SRA1: variants seen among roughly 807,000 people sequenced by gnomAD.
SRA1 encodes the protein steroid receptor RNA activator 1.
In SRA1, 25 loss-of-function variants were observed where a neutral mutation model predicts 24.3. The observed-to-expected ratio is 1.03, with a 90% CI of 0.75 to 1.43. The LOEUF is 1.43. Among genes scored for constraint, SRA1 ranks in the 40% most tolerant of loss-of-function variants. SRA1 has a pLI of 0.00. For missense variants in SRA1, 303 were observed against 286.6 expected, an observed-to-expected ratio of 1.06 and a Z score of -0.41; for synonymous variants, 104 against 109.5, an observed-to-expected ratio of 0.95 and a Z score of 0.31.
chr5:140,556,260 GA>G (rs1417530054), intron 2 of SRA1, among the ~76,000 whole-genome samples: 1 of 151,948 alleles, frequency 6.6e-6, no homozygotes, highest in Admixed American at 6.6e-5. Flanking sequence ...GCCACTGAAA[GA>G]ACCAAACCTG....
chr5:140,550,707 G>A lies in SRA1; in HGVS notation c.668C>T (p.Ala223Val), dbSNP rs1754527347. The change falls in exon 5 of 5, where the codon GCT becomes GTT. Residue 223 changes from alanine (A) to valine (V), a missense_variant. Coordinates refer to ENST00000336283, the MANE Select transcript of SRA1 (RefSeq NM_001035235.4). Reference sequence around the variant, plus strand: ...AGTCTGGGGAACCGAGGATTATGAAGCCTGCTGGAAGCCTGGTATGGTATG... The same window carrying A: ...AGTCTGGGGAACCGAGGATTATGAAACCTGCTGGAAGCCTGGTATGGTATG... ...KNHTIPGFQQ[A>V]S The A allele has an allele frequency of 1.2e-6, 2 of 1,613,990 alleles. No individual in the cohort carries two copies. The highest frequency in any genetic ancestry group is 2.7e-5 in the African/African-American group (2 of 74,892).
intron 2 of SRA1, 51 bp downstream of exon 2, chr5:140,557,092 TACAC>T: frequency 8.3e-7 from 1 of 1,198,096 alleles, no homozygotes; most frequent in East Asian, 2.6e-5. Context: ...GCTTATGCCT[TACAC>T]CCCCCCCCCC....
In SRA1 at chr5:140,552,158, GC is replaced by G; in HGVS notation, c.177del (p.Pro60LeufsTer39). 6.2e-7 allele frequency: 1 copy of G among 1,605,300 alleles called. No individual in the cohort carries two copies. The highest frequency in any genetic ancestry group is 8.5e-7 in the Non-Finnish European group (1 of 1,176,226). The stretch of plus-strand genomic sequence containing the variant: ...GGAGGTGGAGGCCCCATTGGGGGAG[GC>G]CCAGGAGAAGTCTCTGATGCGGGGA... ...PRVPASETSP[G>X]PPPMGPPPPS... On this transcript the variant is annotated frameshift_variant, in exon 3 of 5. Transcript: ENST00000336283. LOFTEE classifies it high-confidence loss of function.
upstream of SRA1, chr5:140,557,566 A>T (rs1754764782): frequency 1.6e-6 from 2 of 1,262,740 alleles, no homozygotes; most frequent in Non-Finnish European, 2.2e-6. Context: ...TGGAGGATGG[A>T]TGCTGGTTCA....
Position 140,550,594 on chromosome 5 carries a change from G to T in SRA1, c.*106C>A, listed in dbSNP as rs1008005747. The T allele has an allele frequency of 9.6e-7, 1 of 1,043,412 alleles. No homozygotes were observed. The highest frequency in any genetic ancestry group is 1.5e-6 in the Non-Finnish European group (1 of 676,500). 64.6% of individuals were successfully genotyped at this position (1,043,412 alleles called of 1,614,324 possible). A position where few individuals can be genotyped will look rare whatever the true frequency, so the allele number is the denominator to read the frequency against. ...GGTGGGACTTCTTCCCTCATAGGTG[G>T]GTCAGGCCCAGTGGGACAGTCTTGG... On this transcript the variant is annotated 3_prime_UTR_variant, in exon 5 of 5. Coordinates refer to ENST00000336283, the MANE Select transcript of SRA1 (RefSeq NM_001035235.4).
Position 140,552,080 on chromosome 5 carries a change from C to T in SRA1, c.256G>A (p.Val86Met), listed in dbSNP as rs760956606. The T allele has an allele frequency of 4.6e-5, 75 of 1,613,924 alleles. No homozygotes were observed. The highest frequency in any genetic ancestry group is 8.8e-5 in the South Asian group (8 of 91,020). ...PPVGSGPASG[V>M]EPTSFPVESE... ...TCGACTGGGAAACTTGTGGGCTCCA[C>T]GCCAGAGGCAGGACCACTCCCCACA... The change falls in exon 3 of 5, where the codon GTG becomes ATG. Residue 86 changes from valine (V) to methionine (M), a missense_variant. Coordinates refer to ENST00000336283, the MANE Select transcript of SRA1 (RefSeq NM_001035235.4).
At chr5:140,557,122 C>A in intron 2 of SRA1, 25 bp downstream of exon 2, 2 of 1,343,274 alleles carry the variant, frequency 1.5e-6, no homozygotes, top group Non-Finnish European at 2.1e-6. Context: ...CTCCGTCTGT[C>A]TCCGAGCACA....
At position 140,557,108 on chromosome 5, in the gene SRA1, C is replaced by CA. The variant is rs781045102; in HGVS notation, c.151+38dup. 1.4e-5 allele frequency: 14 copies of CA among 1,034,638 alleles called. No homozygotes were observed. In the African/African-American group the frequency reaches 1.4e-4, roughly 10 times the overall value. 64.1% of individuals were successfully genotyped at this position (1,034,638 alleles called of 1,614,324 possible). On this transcript the variant is annotated intron_variant, in intron 2 of 4. Coordinates refer to ENST00000336283, the MANE Select transcript of SRA1 (RefSeq NM_001035235.4). Reference sequence around the variant, plus strand: ...CTTATGCCTTACACCCCCCCCCCCCCATTCTCCGTCTGTCTCCGAGCACAG... The same window carrying CA: ...CTTATGCCTTACACCCCCCCCCCCCCAATTCTCCGTCTGTCTCCGAGCACAG...
intron 3 of SRA1, chr5:140,551,500 T>A: frequency 3.7e-6 from 1 of 266,706 alleles, no homozygotes; most frequent in East Asian, 7.5e-5. Flanking sequence ...CAGAAGCTCA[T>A]CCTGTAGCGT....
intron 2 of SRA1, among the ~76,000 whole-genome samples, chr5:140,552,675 A>T (rs1320413993): frequency 2.6e-5 from 4 of 151,954 alleles, no homozygotes; most frequent in African/African-American, 4.8e-5. Context: ...AAAAGAAAAG[A>T]AAAGTAAACC....
chr5:140,557,706 G>A, upstream of SRA1: 1 of 570,624 alleles, frequency 1.8e-6, no homozygotes, highest in South Asian at 2.2e-5. Context: ...AGTGCTCTAG[G>A]AGGCCTCATC....
intron 2 of SRA1, 110 bp from the exon 3 acceptor site, chr5:140,552,294 A>ATG: frequency 2.4e-6 from 2 of 824,296 alleles, no homozygotes; most frequent in Middle Eastern, 6.3e-4. Flanking sequence ...TATTCATTCA[A>ATG]AAATATGCAT....
In SRA1 at chr5:140,551,176, G is replaced by C; in HGVS notation, c.355-7C>G. 1 of 1,610,528 alleles carries C rather than the reference G, an allele frequency of 6.2e-7. No homozygotes were observed. The highest frequency in any genetic ancestry group is 8.5e-7 in the Non-Finnish European group (1 of 1,176,942). ...TGTCATCACATACCTGCTTCTAAGA[G>C]ACAGAAGCCCCCCTCCAATTCAGTG... On this transcript the variant is annotated splice_polypyrimidine_tract_variant and splice_region_variant and intron_variant, in intron 3 of 4. Coordinates refer to ENST00000336283, the MANE Select transcript of SRA1 (RefSeq NM_001035235.4).
intron 4 of SRA1, 69 bp from the exon 5 acceptor site, chr5:140,550,980 A>G: frequency 1.3e-6 from 2 of 1,581,316 alleles, no homozygotes; most frequent in South Asian, 1.1e-5. Flanking sequence ...CTCCCAGTCA[A>G]TCAAAATCTC....
upstream of SRA1, chr5:140,557,837 C>G: frequency 3.1e-6 from 1 of 325,474 alleles, no homozygotes; most frequent in Non-Finnish European, 5.7e-6. Flanking sequence ...CATTCACGTC[C>G]GGTAGCCTCA....
At chr5:140,557,111 T>G (rs756519528) in intron 2 of SRA1, 36 bp downstream of exon 2, 89 of 1,126,400 alleles carry the variant, frequency 7.9e-5, no homozygotes, top group Non-Finnish European at 9.7e-5. Context: ...CCCCCCCCAT[T>G]CTCCGTCTGT....
intron 3 of SRA1, 51 bp from the exon 4 acceptor site, chr5:140,551,220 G>T: frequency 7.0e-7 from 1 of 1,436,014 alleles, no homozygotes; most frequent in Non-Finnish European, 9.8e-7. Flanking sequence ...CCAATGAGGG[G>T]AGGAGAGGGG....
chr5:140,550,991 A>G, intron 4 of SRA1, 70 bp downstream of exon 4: 1 of 1,571,090 alleles, frequency 6.4e-7, no homozygotes, highest in Non-Finnish European at 8.8e-7. Context: ...TCAAAATCTC[A>G]GCACCTGCTC....
intron 3 of SRA1, chr5:140,551,380 A>G: frequency 1.9e-6 from 1 of 532,128 alleles, no homozygotes; most frequent in Non-Finnish European, 3.4e-6. Flanking sequence ...TGTTTCATTG[A>G]AAAGTAGAGG....
Sources: gnomAD v4.1 joint callset for allele counts (sites outside exome capture counted in the v4.1 genomes callset) on GRCh38, gnomAD v4.1.1 for gene constraint, MANE v1.5 for transcripts, NCBI Gene and HGNC (gene_info 2026-07-23, HGNC 2026-07-21) for gene names.